Variants in RAPGEF6 observed in about 807,000 individuals in gnomAD.
RAPGEF6 encodes PDZ domain containing guanine nucleotide exchange factor (GEF) 2.
In RAPGEF6, 56 loss-of-function variants were observed where a neutral mutation model predicts 171.4. The ratio of observed to expected loss-of-function variants is 0.33; its 90% CI spans 0.26 to 0.41. The LOEUF (loss-of-function observed/expected upper bound fraction) is 0.41. Among genes scored for constraint, RAPGEF6 ranks in the 10% least tolerant of loss-of-function variants. The pLI is 1.00. For missense variants in RAPGEF6, 1,674 were observed against 1,921.4 expected (o/e 0.87, Z 2.41); for synonymous variants, 692 against 650.1 (o/e 1.06, Z -0.98).
intron 4 of RAPGEF6, among the ~76,000 whole-genome samples, chr5:131,580,491 C>T (rs958423447): frequency 7.2e-5 from 11 of 152,148 alleles, no homozygotes; most frequent in African/African-American, 1.4e-4. Flanking sequence ...CACAGTGCAG[C>T]GGCGGGCTGA....
At chr5:131,539,096 CT>C (rs942879813) in intron 6 of RAPGEF6, among the ~76,000 whole-genome samples, 17 of 152,136 alleles carry the variant, frequency 1.1e-4, no homozygotes, top group African/African-American at 4.1e-4. Context: ...GCTGAAGATT[CT>C]TAGAGGTGGG....
intron 21 of RAPGEF6, among the ~76,000 whole-genome samples, 180 bp downstream of exon 21, chr5:131,452,874 G>C (rs1389224314): frequency 6.6e-6 from 1 of 151,938 alleles, no homozygotes; most frequent in Non-Finnish European, 1.5e-5. Flanking sequence ...GTATAACGAA[G>C]GCTAATATCA....
intron 15 of RAPGEF6, among the ~76,000 whole-genome samples, chr5:131,483,752 G>C (rs1208133676): frequency 6.6e-6 from 1 of 151,964 alleles, no homozygotes; most frequent in Non-Finnish European, 1.5e-5. Flanking sequence ...TTATAAAGTG[G>C]TCAAACAAGT....
At position 131,433,551 on chromosome 5, in the gene RAPGEF6, A is replaced by C. The variant is rs750787992; in HGVS notation, c.3853T>G (p.Ser1285Ala). Residue 1285 changes from serine (S) to alanine (A), a missense_variant, in exon 25 of 28, where the codon TCT (serine) becomes GCT (alanine). By Grantham distance (99) the Ser-to-Ala change is moderately conservative. Transcript: ENST00000509018. ...CACCGTTCATCCTGTAGAGCTGCAG[A>C]CATGGAGTCAACAGAACAATTGCTC... ...IVSNCSVDSM[S>A]AALQDERCSS... The C allele has an allele frequency of 6.2e-7, 1 of 1,613,398 alleles. No individual in the cohort carries two copies. Among genetic ancestry groups the C allele is most frequent in the Non-Finnish European group, 8.5e-7 (1 of 1,179,288 alleles).
At chr5:131,564,814 G>T (rs1761828729) in intron 4 of RAPGEF6, among the ~76,000 whole-genome samples, 1 of 152,078 alleles carries the variant, frequency 6.6e-6, no homozygotes. Context: ...ATATAAAAAA[G>T]ACCTAATGCA....
intron 7 of RAPGEF6, among the ~76,000 whole-genome samples, chr5:131,517,103 C>T (rs972685268): frequency 6.6e-6 from 1 of 152,144 alleles, no homozygotes; most frequent in Non-Finnish European, 1.5e-5. Context: ...GAACACCAGA[C>T]ACTGGGGTCT....
At chr5:131,528,151 A>T (rs13176337) in intron 6 of RAPGEF6, among the ~76,000 whole-genome samples, 2 of 45,438 alleles carry the variant, frequency 4.4e-5, no homozygotes, top group Admixed American at 2.5e-4. Context: ...TACTATATAT[A>T]ATATAAAATA....
chr5:131,597,388 C>A (rs936619182), intron 3 of RAPGEF6, among the ~76,000 whole-genome samples: 1 of 151,902 alleles, frequency 6.6e-6, no homozygotes, highest in African/African-American at 2.4e-5. Flanking sequence ...GAAATGAAAT[C>A]AGTATGTTAC....
intron 5 of RAPGEF6, among the ~76,000 whole-genome samples, chr5:131,552,391 A>G (rs912598928): frequency 9.9e-5 from 15 of 152,136 alleles, no homozygotes; most frequent in African/African-American, 3.4e-4. Context: ...AAGTAAACTA[A>G]AAGAGATTCA....
intron 8 of RAPGEF6, among the ~76,000 whole-genome samples, chr5:131,509,564 C>T (rs1757589201): frequency 6.6e-6 from 1 of 151,430 alleles, no homozygotes; most frequent in Admixed American, 6.6e-5. Flanking sequence ...TAAGAGTACA[C>T]ACAAAACATA....
intron 6 of RAPGEF6, among the ~76,000 whole-genome samples, chr5:131,530,688 C>A (rs1212295816): frequency 2.0e-5 from 3 of 152,160 alleles, no homozygotes. Flanking sequence ...ATAATGTTTG[C>A]TGGCATTTCA....
chr5:131,494,780 T>TAATGAAATA (rs3842020), intron 13 of RAPGEF6, among the ~76,000 whole-genome samples: 116,888 of 151,572 alleles, frequency 0.77, 45,384 homozygotes, highest in African/African-American at 0.83. Flanking sequence ...AGATCAGATA[T>TAATGAAATA]ATTAAGTCCT....
intron 1 of RAPGEF6, among the ~76,000 whole-genome samples, chr5:131,629,079 A>T (rs1454547857): frequency 6.6e-6 from 1 of 152,188 alleles, no homozygotes; most frequent in Non-Finnish European, 1.5e-5. Flanking sequence ...TATTTAAGAA[A>T]CACATTTCAT....
At position 131,548,048 on chromosome 5, in the gene RAPGEF6, G is replaced by C. The variant is rs140883805; in HGVS notation, c.494C>G (p.Ser165Cys). Reference sequence around the variant, plus strand: ...TGAAGTGTTCCTAAATATACTCACAGAAAGATAGCTGTTAACCTCCACATC... The same window carrying C: ...TGAAGTGTTCCTAAATATACTCACACAAAGATAGCTGTTAACCTCCACATC... ...TDDVEVNSYLSLPADLTKMHL... is the reference protein window; with the variant it reads ...TDDVEVNSYLCLPADLTKMHL... The change falls in exon 6 of 28, where the codon TCT becomes TGT. Residue 165 changes from serine (S) to cysteine (C), a missense_variant and splice_region_variant. By Grantham distance (112) the Ser-to-Cys change is moderately radical (BLOSUM62 -1). Transcript: ENST00000509018. 4.8e-5 allele frequency: 78 copies of C among 1,613,028 alleles called. No homozygotes were observed. In the African/African-American group the frequency reaches 9.1e-4, roughly 19 times the overall value.
Position 131,466,685 on chromosome 5 carries a change from C to A in RAPGEF6, c.2240-2404G>T, listed in dbSNP as rs553860695. 3.0e-3 allele frequency among the ~76,000 whole-genome samples: 457 copies of A among 152,302 alleles called. 1 individual carries two copies. The highest frequency in any genetic ancestry group is 0.027 in the Middle Eastern group (8 of 294). On this transcript the variant is annotated intron_variant, in intron 17 of 27. Transcript: ENST00000509018. ...GTGACTTGCTCCTCCTTGCTTTCTG[C>A]CATGATTGTGAGGCTTCCCCAGCCA...
Position 131,521,535 on chromosome 5 carries a change from T to A in RAPGEF6, c.496-14A>T, listed in dbSNP as rs903978161. 10 of 1,578,984 alleles carry A rather than the reference T, an allele frequency of 6.3e-6. No individual in the cohort carries two copies. The highest frequency in any genetic ancestry group is 2.4e-5 in the South Asian group (2 of 84,990). ...ATCAGCTGGAAGCTGAAAAAAAAAA[T>A]AATTTAAGTTATTCTAAATGTCAAG... On this transcript the variant is annotated splice_polypyrimidine_tract_variant and intron_variant, in intron 6 of 27. Transcript: ENST00000509018.
chr5:131,487,709 G>C (rs1224913061), intron 15 of RAPGEF6, among the ~76,000 whole-genome samples: 2 of 152,144 alleles, frequency 1.3e-5, no homozygotes, highest in Non-Finnish European at 2.9e-5. Flanking sequence ...CTTGACCCAG[G>C]AAGTCCAGCT....
intron 11 of RAPGEF6, among the ~76,000 whole-genome samples, chr5:131,502,064 G>C (rs1757058875): frequency 1.3e-5 from 2 of 152,128 alleles, no homozygotes; most frequent in Admixed American, 6.5e-5. Context: ...GTGCTCAAAT[G>C]ATGGGGATAT....
chr5:131,516,007 A>G (rs1758046048), intron 7 of RAPGEF6, among the ~76,000 whole-genome samples: 1 of 147,328 alleles, frequency 6.8e-6, no homozygotes, highest in African/African-American at 2.5e-5. Flanking sequence ...TGATAGTCAA[A>G]AGATGATAAC....
Sources: gnomAD v4.1 joint callset for allele counts (sites outside exome capture counted in the v4.1 genomes callset) on GRCh38, gnomAD v4.1.1 for gene constraint, MANE v1.5 for transcripts, NCBI Gene and HGNC (gene_info 2026-07-23, HGNC 2026-07-21) for gene names.